The following SLC39A11 variants were observed in gnomAD, a reference collection of about 807,000 sequenced individuals.
SLC39A11 encodes solute carrier family 39 member 11, also known as zinc transporter ZIP11.
SLC39A11 carries 33 observed loss-of-function variants against 36.1 expected under a neutral mutation model. That is an observed-to-expected ratio of 0.91 (90% CI 0.69 to 1.22). SLC39A11 has a LOEUF of 1.22. Ranked by LOEUF, SLC39A11 falls within the 50% of genes most tolerant of loss-of-function variation. The pLI, the probability that SLC39A11 is intolerant of heterozygous loss-of-function variation, is 0.00. For synonymous variants in SLC39A11, 166 were observed against 170.3 expected (o/e 0.97, Z 0.20); for missense variants, 432 against 430.3 (o/e 1.00, Z -0.03).
intron 6 of SLC39A11, among the ~76,000 whole-genome samples, chr17:72,800,741 G>T (rs564357831): frequency 6.6e-6 from 1 of 152,310 alleles, no homozygotes; most frequent in South Asian, 2.1e-4. Context: ...GGCAGAGAGC[G>T]ATGGCTCAAA....
intron 3 of SLC39A11, among the ~76,000 whole-genome samples, chr17:73,080,645 A>G (rs2060478272): frequency 6.6e-6 from 1 of 152,168 alleles, no homozygotes; most frequent in African/African-American, 2.4e-5. Flanking sequence ...AAGACTTTTA[A>G]ACTAAAAAGC....
At chr17:72,660,597 C>T (rs1490631131) in intron 7 of SLC39A11, among the ~76,000 whole-genome samples, 1 of 152,186 alleles carries the variant, frequency 6.6e-6, no homozygotes, top group Non-Finnish European at 1.5e-5. Flanking sequence ...CGGACGCTGC[C>T]CGACACCCAC....
chr17:73,058,088 C>G (rs941920023), intron 3 of SLC39A11, among the ~76,000 whole-genome samples: 1 of 150,972 alleles, frequency 6.6e-6, no homozygotes. Context: ...CCTCTTTGCA[C>G]CCTAAATCAC....
chr17:72,761,367 G>A (rs2567540), intron 6 of SLC39A11, among the ~76,000 whole-genome samples: 28,568 of 151,724 alleles, frequency 0.19, 3,076 homozygotes, highest in East Asian at 0.4. Flanking sequence ...CGCCCCCCTC[G>A]GCCTCCCAAA....
At chr17:72,892,538 T>G (rs1216177756) in intron 5 of SLC39A11, among the ~76,000 whole-genome samples, 2 of 151,858 alleles carry the variant, frequency 1.3e-5, no homozygotes, top group South Asian at 2.1e-4. Context: ...TAAAGATAAA[T>G]AGATTAAATA....
chr17:72,678,821 C>A (rs1012450627), intron 7 of SLC39A11, among the ~76,000 whole-genome samples: 3 of 152,064 alleles, frequency 2.0e-5, no homozygotes, highest in African/African-American at 7.2e-5. Flanking sequence ...CAGGGTGCAA[C>A]AAAGAATAGT....
intron 3 of SLC39A11, among the ~76,000 whole-genome samples, chr17:73,060,589 T>C (rs2059811111): frequency 6.6e-6 from 1 of 152,172 alleles, no homozygotes; most frequent in Admixed American, 6.5e-5. Flanking sequence ...AGAATTAACT[T>C]TGGGATTCTC....
intron 5 of SLC39A11, among the ~76,000 whole-genome samples, chr17:72,891,595 G>A (rs996376622): frequency 1.3e-5 from 2 of 151,582 alleles, no homozygotes; most frequent in Admixed American, 1.3e-4. Flanking sequence ...TGCCTTTTTT[G>A]AACATCCTAT....
At chr17:72,743,135 G>A (rs2074780622) in intron 6 of SLC39A11, among the ~76,000 whole-genome samples, 1 of 152,192 alleles carries the variant, frequency 6.6e-6, no homozygotes. Flanking sequence ...TTGGGAGATT[G>A]GGGAAGGGAG....
rs535460558 is a variant in SLC39A11 at position 72,767,317 on chromosome 17, A to T, written c.602-30598T>A. Among the ~76,000 whole-genome samples, 14 of 152,372 alleles carry T rather than the reference A, an allele frequency of 9.2e-5. No homozygotes were observed. The East Asian group carries it at 2.7e-3, about 29-fold the overall frequency. Reference sequence around the variant, plus strand: ...AGATCATTCTAGGTACTAGAGAGACAGCCTTCAGAGAAATGGTCCCAGAAG... The same window carrying T: ...AGATCATTCTAGGTACTAGAGAGACTGCCTTCAGAGAAATGGTCCCAGAAG... On this transcript the variant is annotated intron_variant, in intron 6 of 9. Coordinates refer to ENST00000255559, the MANE Select transcript of SLC39A11 (RefSeq NM_139177.4).
At chr17:72,780,530 G>A (rs562837638) in intron 6 of SLC39A11, among the ~76,000 whole-genome samples, 1 of 111,432 alleles carries the variant, frequency 9.0e-6, no homozygotes, top group Non-Finnish European at 1.9e-5. Flanking sequence ...TGGGGGGCGG[G>A]TGGGGGCACA....
chr17:72,698,928 T>G (rs988872398), intron 7 of SLC39A11, among the ~76,000 whole-genome samples: 3 of 152,184 alleles, frequency 2.0e-5, no homozygotes, highest in Non-Finnish European at 4.4e-5. Flanking sequence ...CTTCCTGGGT[T>G]CACGCCATTC....
At chr17:72,758,555 T>C (rs988249083) in intron 6 of SLC39A11, among the ~76,000 whole-genome samples, 7 of 152,188 alleles carry the variant, frequency 4.6e-5, no homozygotes, top group Non-Finnish European at 8.8e-5. Context: ...AGTCTTTCCT[T>C]CCCTAATATA....
At chr17:72,923,629 T>C (rs1438901047) in intron 5 of SLC39A11, among the ~76,000 whole-genome samples, 1 of 152,144 alleles carries the variant, frequency 6.6e-6, no homozygotes, top group Non-Finnish European at 1.5e-5. Context: ...GGAGTTGCAA[T>C]GAACGAATGT....
intron 5 of SLC39A11, among the ~76,000 whole-genome samples, chr17:72,904,072 G>A (rs1157024021): frequency 6.6e-6 from 1 of 152,186 alleles, no homozygotes; most frequent in Non-Finnish European, 1.5e-5. Context: ...TCCTTCCTCA[G>A]TAGTCATTAC....
chr17:72,810,596 C>T (rs1227833678), intron 6 of SLC39A11, among the ~76,000 whole-genome samples: 2 of 152,068 alleles, frequency 1.3e-5, no homozygotes, highest in Non-Finnish European at 1.5e-5. Context: ...GAAATTACTG[C>T]TTAGGAAGAG....
At chr17:72,941,751 T>C (rs2085114266) in intron 5 of SLC39A11, among the ~76,000 whole-genome samples, 1 of 152,168 alleles carries the variant, frequency 6.6e-6, no homozygotes, top group African/African-American at 2.4e-5. Context: ...CTCTGCATTG[T>C]TTATTTAATA....
At chr17:72,780,377 C>A (rs1047043213) in intron 6 of SLC39A11, among the ~76,000 whole-genome samples, 1 of 152,178 alleles carries the variant, frequency 6.6e-6, no homozygotes. Context: ...GGAAATACAT[C>A]TTTCCTGAGG....
chr17:72,776,927 G>A (rs536658473), intron 6 of SLC39A11, among the ~76,000 whole-genome samples: 1 of 152,242 alleles, frequency 6.6e-6, no homozygotes, highest in South Asian at 2.1e-4. Context: ...CTTTGAAGCT[G>A]ACTTTCGCAG....
Sources: allele counts gnomAD v4.1 joint callset (sites outside exome capture counted in the v4.1 genomes callset), GRCh38; gene constraint gnomAD v4.1.1; transcripts MANE v1.5; gene names NCBI Gene and HGNC (gene_info 2026-07-23, HGNC 2026-07-21).